The following CDON variants were observed in gnomAD, a reference collection of about 807,000 sequenced individuals.
CDON encodes the protein cell adhesion associated, oncogene regulated, also known as cell adhesion molecule-related/down-regulated by oncogenes.
Under a neutral mutation model 120.9 loss-of-function variants are expected in CDON, and 73 were observed. That is an observed-to-expected ratio of 0.60 (90% CI 0.50 to 0.73). The LOEUF is 0.73. Among genes scored for constraint, CDON ranks in the 30% least tolerant of loss-of-function variants. The pLI, the probability that CDON is intolerant of heterozygous loss-of-function variation, is 0.00. For synonymous variants in CDON, 566 were observed against 573.5 expected, an observed-to-expected ratio of 0.99 and a Z score of 0.19; for missense variants, 1,470 against 1,587.3, an observed-to-expected ratio of 0.93 and a Z score of 1.26.
At chr11:125,995,749 T>C (rs1429319862) in intron 12 of CDON, among the ~76,000 whole-genome samples, 1 of 152,246 alleles carries the variant, frequency 6.6e-6, no homozygotes, top group Non-Finnish European at 1.5e-5. Context: ...TTTCAATCTA[T>C]GGAATGTTTC....
At chr11:126,043,985 A>G (rs986288236) in intron 1 of CDON, among the ~76,000 whole-genome samples, 2 of 152,234 alleles carry the variant, frequency 1.3e-5, no homozygotes, top group African/African-American at 4.8e-5. Flanking sequence ...GCCCAGGTGC[A>G]TTTGCATTTT....
rs1466967484 is a variant in CDON at position 126,010,348 on chromosome 11, G to A, written c.1545C>T (p.Leu515=). The A allele has an allele frequency of 6.2e-7, 1 of 1,604,646 alleles. No homozygotes were observed. Among genetic ancestry groups the A allele is most frequent in the Non-Finnish European group, 8.5e-7 (1 of 1,174,598 alleles). The stretch of plus-strand genomic sequence containing the variant: ...ATAATAATGGCAACTCACCAACCAT[G>A]AGAGATGCTTCTGCCTGTGTGGTAC... The part of the protein sequence containing the change: ...EHGTTQAEAS[L]MVVPFETNTK... Residue 515 remains leucine (L), a synonymous_variant, in exon 8 of 20, where the codon CTC becomes CTT. Coordinates refer to ENST00000531738, the MANE Select transcript of CDON (RefSeq NM_001378964.1).
chr11:126,037,792 T>G (rs546416891), intron 1 of CDON, among the ~76,000 whole-genome samples: 1 of 152,252 alleles, frequency 6.6e-6, no homozygotes, highest in African/African-American at 2.4e-5. Flanking sequence ...GAACACTTAC[T>G]TAGTATGGCT....
At position 125,958,855 on chromosome 11, in the gene CDON, C is replaced by T. The variant is rs746277116; in HGVS notation, c.*2087G>A. 1 of 152,416 alleles carries T rather than the reference C, an allele frequency of 6.6e-6. No homozygotes were observed. The highest frequency in any genetic ancestry group is 1.5e-5 in the Non-Finnish European group (1 of 68,018). 9.4% of individuals were successfully genotyped at this position (152,416 alleles called of 1,614,324 possible). A position where few individuals can be genotyped will look rare whatever the true frequency, so the allele number is the denominator to read the frequency against. On this transcript the variant is annotated 3_prime_UTR_variant, in exon 20 of 20. Transcript: ENST00000531738. ...CAAAATGGCTGTCTACGGACAATGA[C>T]TCCCCAGTTTTCTAAAACTCCCTTT...
At chr11:126,024,811 T>C (rs1314341576) in intron 1 of CDON, among the ~76,000 whole-genome samples, 1 of 152,102 alleles carries the variant, frequency 6.6e-6, no homozygotes, top group Non-Finnish European at 1.5e-5. Flanking sequence ...CAGAAGAGCC[T>C]TGGAATACTC....
In CDON at chr11:126,062,657, G is replaced by C. The variant is rs1288268452; in HGVS notation, c.-140C>G. 4 of 152,560 alleles carry C rather than the reference G, an allele frequency of 2.6e-5. No individual in the cohort carries two copies. Among genetic ancestry groups the C allele is most frequent in the Non-Finnish European group, 4.3e-5 (3 of 69,210 alleles). 9.5% of individuals were successfully genotyped at this position (152,560 alleles called of 1,614,324 possible). ...AAAGCCACCCCCAGGTCATCCCCCCGCGCGCGCGCGGCGGCGGCTACGGTG... is the reference window on the plus strand; with the variant it reads ...AAAGCCACCCCCAGGTCATCCCCCCCCGCGCGCGCGGCGGCGGCTACGGTG... On this transcript the variant is annotated 5_prime_UTR_variant, in exon 1 of 20. Coordinates refer to ENST00000531738, the MANE Select transcript of CDON (RefSeq NM_001378964.1).
chr11:125,999,332 T>C (rs1194837322), intron 11 of CDON, among the ~76,000 whole-genome samples: 1 of 152,076 alleles, frequency 6.6e-6, no homozygotes, highest in East Asian at 1.9e-4. Flanking sequence ...CTAAAAGAAA[T>C]AGCATGTGAC....
At chr11:125,972,426 C>CA (rs551169802) in intron 18 of CDON, among the ~76,000 whole-genome samples, 119 of 150,674 alleles carry the variant, frequency 7.9e-4, no homozygotes, top group Admixed American at 1.5e-3. Context: ...GACTCTGTCT[C>CA]AAAAAAAACA....
chr11:126,017,397 G>C (rs1158112481), intron 5 of CDON, 22 bp from the exon 6 acceptor site: 1 of 1,610,646 alleles, frequency 6.2e-7, no homozygotes, highest in Non-Finnish European at 8.5e-7. Flanking sequence ...AAGGAGATGA[G>C]AGATTATTAG....
In CDON at chr11:125,997,380, G is replaced by C; in HGVS notation, c.2189C>G (p.Ser730Cys). 1.2e-6 allele frequency: 2 copies of C among 1,613,764 alleles called. No individual in the cohort carries two copies. The highest frequency in any genetic ancestry group is 2.2e-5 in the South Asian group (2 of 91,030). The change falls in exon 12 of 20, where the codon TCC (serine) becomes TGC (cysteine). Residue 730 changes from serine to cysteine, a missense_variant. Transcript: ENST00000531738. ...ATAGACTGATGTCTCTGATGCAGTG[G>C]AGATGGTAGGCCGATCTGGTGCCTC... ...VPEAPDRPTI[S>C]TASETSVYVT...
intron 1 of CDON, among the ~76,000 whole-genome samples, chr11:126,048,024 C>G (rs899726077): frequency 6.6e-6 from 1 of 152,132 alleles, no homozygotes; most frequent in Non-Finnish European, 1.5e-5. Flanking sequence ...TGCCTGTAAT[C>G]CCAGCACTTT....
At chr11:125,978,836 C>T (rs1050636315) in intron 17 of CDON, among the ~76,000 whole-genome samples, 1 of 151,412 alleles carries the variant, frequency 6.6e-6, no homozygotes, top group African/African-American at 2.4e-5. Flanking sequence ...ATAAACTCAT[C>T]TTCATTTTCC....
intron 1 of CDON, among the ~76,000 whole-genome samples, chr11:126,060,367 T>C (rs1948767059): frequency 6.6e-6 from 1 of 152,216 alleles, no homozygotes; most frequent in Non-Finnish European, 1.5e-5. Context: ...CCCATACTTC[T>C]ACATCATGCC....
chr11:125,993,610 A>G (rs1390652079), intron 14 of CDON, among the ~76,000 whole-genome samples: 3 of 152,198 alleles, frequency 2.0e-5, no homozygotes, highest in Non-Finnish European at 2.9e-5. Flanking sequence ...TTCTGTGCAC[A>G]CAACTAGGTA....
At chr11:126,055,800 T>C (rs182856343) in intron 1 of CDON, among the ~76,000 whole-genome samples, 2 of 152,300 alleles carry the variant, frequency 1.3e-5, no homozygotes, top group African/African-American at 4.8e-5. Context: ...CTGATACCAA[T>C]ACACTTAGAA....
At chr11:125,996,161 AACACACACACACACACACACACAC>A (rs35536827) in intron 12 of CDON, among the ~76,000 whole-genome samples, 5 of 146,044 alleles carry the variant, frequency 3.4e-5, no homozygotes, top group South Asian at 2.2e-4. Context: ...GTCACAGCAA[AACACACACACACACACACACACAC>A]ACACACACAC....
intron 2 of CDON, among the ~76,000 whole-genome samples, chr11:126,022,832 T>C (rs975637338): frequency 2.0e-5 from 3 of 152,252 alleles, no homozygotes; most frequent in African/African-American, 7.2e-5. Context: ...ATATTCATCT[T>C]TACCCAAGTC....
chr11:125,999,639 T>C (rs1039429165), intron 11 of CDON, among the ~76,000 whole-genome samples: 3 of 152,170 alleles, frequency 2.0e-5, no homozygotes, highest in African/African-American at 7.2e-5. Context: ...TAAATGGTCT[T>C]CTGGTGCCCA....
intron 1 of CDON, among the ~76,000 whole-genome samples, chr11:126,040,814 CAAAAAAAAAAA>C (rs71048763): frequency 5.6e-4 from 25 of 45,010 alleles, no homozygotes; most frequent in East Asian, 1.5e-3. Context: ...GACTCCGTCT[CAAAAAAAAAAA>C]AAAAAAAAAA....
Sources: allele counts gnomAD v4.1 joint callset (sites outside exome capture counted in the v4.1 genomes callset), GRCh38; gene constraint gnomAD v4.1.1; transcripts MANE v1.5; gene names NCBI Gene and HGNC (gene_info 2026-07-23, HGNC 2026-07-21).